Variants in SNX9 observed in about 807,000 individuals in gnomAD.
SNX9 encodes the protein sorting nexin 9, also known as sorting nexin-9.
Under a neutral mutation model 89.4 loss-of-function variants are expected in SNX9, and 44 were observed. That is an observed-to-expected ratio of 0.49 (90% CI 0.39 to 0.63). The LOEUF (loss-of-function observed/expected upper bound fraction) is 0.63, where lower values mean the gene tolerates loss of function less well. Ranked by LOEUF, SNX9 falls within the 30% of genes least tolerant of loss-of-function variation. The pLI is 0.00. For missense variants in SNX9, 578 were observed against 736.1 expected (o/e 0.79, Z 2.49); for synonymous variants, 236 against 247.8 (o/e 0.95, Z 0.45).
chr6:157,868,836 C>T (rs1392291903), intron 2 of SNX9, among the ~76,000 whole-genome samples: 1 of 152,174 alleles, frequency 6.6e-6, no homozygotes, highest in Non-Finnish European at 1.5e-5. Context: ...AAACTTGAAC[C>T]CATCGTTACC....
chr6:157,942,754 G>GAT (rs750266029), intron 17 of SNX9, 37 bp from the exon 18 acceptor site: 2 of 1,609,122 alleles, frequency 1.2e-6, no homozygotes, highest in Admixed American at 3.4e-5. Context: ...TAATGGGAGT[G>GAT]ATATCTCAAC....
At chr6:157,922,421 A>G (rs1308271350) in intron 10 of SNX9, among the ~76,000 whole-genome samples, 1 of 152,234 alleles carries the variant, frequency 6.6e-6, no homozygotes, top group Non-Finnish European at 1.5e-5. Context: ...TGCTAAATAC[A>G]TTATCAGCCT....
chr6:157,883,300 A>G lies in SNX9; in HGVS notation c.300+8124A>G, dbSNP rs114119020. On this transcript the variant is annotated intron_variant, in intron 4 of 17. Coordinates refer to ENST00000392185, the MANE Select transcript of SNX9 (RefSeq NM_016224.5). ...AACTGTTATGTACACTGGGGGACCA[A>G]AAAAGTCCACATGACTCACTTTAAC... 5.7e-3 allele frequency among the ~76,000 whole-genome samples: 866 copies of G among 152,334 alleles called. 9 individuals are homozygous for G. The highest frequency in any genetic ancestry group is 0.02 in the African/African-American group (827 of 41,568).
chr6:157,862,141 C>T (rs555295127), intron 1 of SNX9, among the ~76,000 whole-genome samples: 1 of 152,316 alleles, frequency 6.6e-6, no homozygotes, highest in South Asian at 2.1e-4. Flanking sequence ...TAGCAGTTCA[C>T]TGAAACCGAG....
At chr6:157,931,103 G>T (rs973425696) in intron 12 of SNX9, among the ~76,000 whole-genome samples, 16 of 152,200 alleles carry the variant, frequency 1.1e-4, no homozygotes, top group African/African-American at 3.4e-4. Flanking sequence ...GTGGGGAAAG[G>T]GATTGACTCA....
intron 10 of SNX9, among the ~76,000 whole-genome samples, chr6:157,923,202 G>A (rs1783618321): frequency 6.6e-6 from 1 of 152,198 alleles, no homozygotes; most frequent in African/African-American, 2.4e-5. Context: ...TGTGGTCTTA[G>A]TGAAGGTATT....
Position 157,823,488 on chromosome 6 carries a change from CG to C in SNX9, c.12+46del, listed in dbSNP as rs1186837007. 6.8e-6 allele frequency: 8 copies of C among 1,167,944 alleles called. No homozygotes were observed. The highest frequency in any genetic ancestry group is 7.4e-6 in the Non-Finnish European group (7 of 949,030). 72.3% of individuals were successfully genotyped at this position (1,167,944 alleles called of 1,614,324 possible). ...GCAGGCCGGGCCGGTCGCTCAGGCC[CG>C]GGGCGGCGCGGAGAGGGTCGGGGCC... On this transcript the variant is annotated intron_variant, in intron 1 of 17. Coordinates refer to ENST00000392185, the MANE Select transcript of SNX9 (RefSeq NM_016224.5). The surrounding 1 kb of genome is among the most constrained non-coding windows in gnomAD (Gnocchi z 4.6).
intron 1 of SNX9, among the ~76,000 whole-genome samples, chr6:157,847,054 T>G (rs1165695426): frequency 6.6e-6 from 1 of 152,094 alleles, no homozygotes; most frequent in Non-Finnish European, 1.5e-5. Context: ...AAAAAAAGAT[T>G]ATTCTTAATT....
chr6:157,900,745 T>C (rs926370159), intron 5 of SNX9, among the ~76,000 whole-genome samples: 1 of 152,214 alleles, frequency 6.6e-6, no homozygotes, highest in African/African-American at 2.4e-5. Context: ...TATGCATCAG[T>C]AATTTCTGAC....
chr6:157,915,640 A>AAAAAAAATAT (rs1472422303), intron 9 of SNX9, among the ~76,000 whole-genome samples: 6 of 95,170 alleles, frequency 6.3e-5, no homozygotes, highest in African/African-American at 2.3e-4. Context: ...AAAAAAAAAA[A>AAAAAAAATAT]ATATATATAT....
intron 1 of SNX9, among the ~76,000 whole-genome samples, chr6:157,839,377 A>C (rs1053441469): frequency 6.6e-6 from 1 of 152,218 alleles, no homozygotes; most frequent in Non-Finnish European, 1.5e-5. Flanking sequence ...TGAATGAATA[A>C]AATTAGTTCT....
intron 1 of SNX9, among the ~76,000 whole-genome samples, chr6:157,855,955 G>T (rs1562595373): frequency 1.3e-5 from 2 of 152,148 alleles, no homozygotes; most frequent in Non-Finnish European, 2.9e-5. Context: ...CACCATGTTG[G>T]CCAGGCTGCT....
chr6:157,938,711 G>C lies in SNX9; in HGVS notation c.1612G>C (p.Val538Leu), dbSNP rs1249655330. Reference sequence around the variant, plus strand: ...CACCCTACAAGACAAACAGAACATGGTGAAGAGAGTCAGCATCATGTCTTA... The same window carrying C: ...CACCCTACAAGACAAACAGAACATGCTGAAGAGAGTCAGCATCATGTCTTA... ...KITLQDKQNM[V>L]KRVSIMSYAL... Residue 538 changes from valine to leucine, a missense_variant, in exon 16 of 18, where the codon GTG (valine) becomes CTG (leucine). Physicochemically the swap from Val to Leu is conservative, Grantham distance 32. Coordinates refer to ENST00000392185, the MANE Select transcript of SNX9 (RefSeq NM_016224.5). 6.8e-6 allele frequency: 11 copies of C among 1,613,946 alleles called. No homozygotes were observed. The highest frequency in any genetic ancestry group is 9.3e-6 in the Non-Finnish European group (11 of 1,179,974).
In SNX9 at chr6:157,891,112, A is replaced by G. The variant is rs543958480; in HGVS notation, c.301-5715A>G. Among the ~76,000 whole-genome samples, 3 of 146,032 alleles carry G rather than the reference A, an allele frequency of 2.1e-5. No individual in the cohort carries two copies. In the East Asian group the frequency reaches 6.0e-4, roughly 29 times the overall value. ...AGTGGTGTGAACTCGGCTCACTGCA[A>G]CCTCCGCCTTCCAGGTTCAAGCGAT... On this transcript the variant is annotated intron_variant, in intron 4 of 17. Transcript: ENST00000392185.
intron 1 of SNX9, among the ~76,000 whole-genome samples, chr6:157,860,709 G>A (rs1371333210): frequency 1.3e-5 from 2 of 152,188 alleles, no homozygotes; most frequent in Admixed American, 6.5e-5. Flanking sequence ...GCCTCAGTTT[G>A]TATTTCCTGT....
intron 1 of SNX9, among the ~76,000 whole-genome samples, chr6:157,851,282 T>G (rs1053143576): frequency 6.8e-6 from 1 of 147,768 alleles, no homozygotes; most frequent in Non-Finnish European, 1.5e-5. Context: ...CTAAAATAAA[T>G]AAATATAAAT....
intron 1 of SNX9, among the ~76,000 whole-genome samples, chr6:157,850,540 A>G (rs1295359158): frequency 6.6e-6 from 1 of 152,246 alleles, no homozygotes; most frequent in East Asian, 1.9e-4. Flanking sequence ...GTGGGCTCAC[A>G]TGCACATTAT....
chr6:157,927,491 A>G (rs549051594), intron 11 of SNX9, among the ~76,000 whole-genome samples: 80 of 152,274 alleles, frequency 5.3e-4, no homozygotes, highest in African/African-American at 1.9e-3. Flanking sequence ...GTGTGATGAA[A>G]CCAAGCGGCA....
intron 9 of SNX9, among the ~76,000 whole-genome samples, chr6:157,911,465 GCA>G (rs1783343243): frequency 6.6e-6 from 1 of 152,224 alleles, no homozygotes; most frequent in Non-Finnish European, 1.5e-5. Context: ...CAGCCAGGTG[GCA>G]GTGCCAGATG....
Sources: gnomAD v4.1 joint callset for allele counts (sites outside exome capture counted in the v4.1 genomes callset) on GRCh38, gnomAD v4.1.1 for gene constraint, Gnocchi (gnomAD v3.1) non-coding constraint, MANE v1.5 for transcripts, NCBI Gene and HGNC (gene_info 2026-07-23, HGNC 2026-07-21) for gene names.